Variants in TRPM3 observed in about 807,000 individuals in gnomAD.
TRPM3 encodes transient receptor potential cation channel subfamily M member 3, also known as long transient receptor potential channel 3.
A neutral mutation model predicts 181.2 loss-of-function variants in TRPM3; 77 were observed. The ratio of observed to expected loss-of-function variants is 0.42; its 90% CI spans 0.35 to 0.51. TRPM3 has a LOEUF of 0.51. Ranked by LOEUF, TRPM3 falls within the 20% of genes least tolerant of loss-of-function variation. TRPM3 has a pLI of 0.01. For synonymous variants in TRPM3, 745 were observed against 796.4 expected (o/e 0.94, Z 1.09); for missense variants, 1,759 against 2,196.7 (o/e 0.80, Z 3.98).
chr9:70,652,554 C>G (rs1220808531), intron 9 of TRPM3, among the ~76,000 whole-genome samples: 1 of 152,190 alleles, frequency 6.6e-6, no homozygotes, highest in African/African-American at 2.4e-5. Flanking sequence ...TTTCATCATA[C>G]AGTGACAGCC....
At chr9:71,244,006 G>T (rs954597446) in intron 1 of TRPM3, among the ~76,000 whole-genome samples, 10 of 152,162 alleles carry the variant, frequency 6.6e-5, no homozygotes, top group Admixed American at 3.3e-4. Flanking sequence ...CAGTTCACAT[G>T]TCTTAGATTA....
At chr9:71,446,516 T>C in intron 1 of TRPM3, 1 of 885,242 alleles carries the variant, frequency 1.1e-6, no homozygotes, top group East Asian at 2.8e-5. Flanking sequence ...CCCAGCACTC[T>C]ATTTCATTAG....
chr9:71,310,923 A>C (rs887073479), intron 1 of TRPM3, among the ~76,000 whole-genome samples: 11 of 152,064 alleles, frequency 7.2e-5, no homozygotes, highest in Non-Finnish European at 1.3e-4. Flanking sequence ...GAGATGAAAA[A>C]AATAGAAGAG....
chr9:70,932,163 G>T (rs973517896), intron 1 of TRPM3, among the ~76,000 whole-genome samples: 4 of 152,142 alleles, frequency 2.6e-5, no homozygotes, highest in Admixed American at 2.0e-4. Context: ...GAGCATTTTA[G>T]ATTTGCTTTA....
intron 1 of TRPM3, among the ~76,000 whole-genome samples, chr9:71,206,339 T>C (rs1749473628): frequency 6.6e-6 from 1 of 152,212 alleles, no homozygotes; most frequent in Admixed American, 6.5e-5. Context: ...ATTTCTCTAA[T>C]GATCAGTGAT....
chr9:70,929,215 T>C (rs1028410568), intron 1 of TRPM3, among the ~76,000 whole-genome samples: 7 of 152,134 alleles, frequency 4.6e-5, no homozygotes, highest in African/African-American at 1.7e-4. Context: ...TTCTTTTTCC[T>C]TTTTGAGACT....
intron 1 of TRPM3, among the ~76,000 whole-genome samples, chr9:70,868,615 G>T (rs943737230): frequency 6.6e-6 from 1 of 151,734 alleles, no homozygotes; most frequent in Admixed American, 6.6e-5. Flanking sequence ...ACACACACAG[G>T]GTATATTAAA....
chr9:71,304,875 T>C (rs1325751036), intron 1 of TRPM3, among the ~76,000 whole-genome samples: 1 of 152,188 alleles, frequency 6.6e-6, no homozygotes, highest in African/African-American at 2.4e-5. Context: ...ATTTTGATCA[T>C]GGTCTTCTCT....
chr9:71,230,532 T>G, intron 1 of TRPM3, among the ~76,000 whole-genome samples: 1 of 152,222 alleles, frequency 6.6e-6, no homozygotes, highest in African/African-American at 2.4e-5. Context: ...TACCCTGATG[T>G]AATTTTATAC....
chr9:71,445,938 A>C, intron 1 of TRPM3, among the ~76,000 whole-genome samples: 1 of 152,214 alleles, frequency 6.6e-6, no homozygotes, highest in Admixed American at 6.5e-5. Flanking sequence ...CATAATATTC[A>C]CATACTCAAA....
At chr9:70,633,388 G>A (rs1420753590) in intron 12 of TRPM3, among the ~76,000 whole-genome samples, 1 of 152,192 alleles carries the variant, frequency 6.6e-6, no homozygotes, top group Non-Finnish European at 1.5e-5. Flanking sequence ...GGTTTGTTGA[G>A]GGTAGATCTA....
At chr9:70,869,815 G>A (rs953787736) in intron 1 of TRPM3, among the ~76,000 whole-genome samples, 1 of 151,988 alleles carries the variant, frequency 6.6e-6, no homozygotes, top group African/African-American at 2.4e-5. Context: ...GCCCTGATAT[G>A]TTTATTTGGG....
Position 71,063,619 on chromosome 9 carries a change from G to C in TRPM3, c.177+57559C>G, listed in dbSNP as rs116809278. Among the ~76,000 whole-genome samples, 281 of 152,166 alleles carry C rather than the reference G, an allele frequency of 1.8e-3. 1 individual carries two copies. Among genetic ancestry groups the C allele is most frequent in the African/African-American group, 6.5e-3 (269 of 41,540 alleles). The stretch of plus-strand genomic sequence containing the variant: ...GAGGCAGGAGAGCATAGCTAATGGA[G>C]TTAATAATGAGCATAAATGCACATT... On this transcript the variant is annotated intron_variant, in intron 1 of 25. Transcript: ENST00000677713.
At chr9:71,015,655 TATTAATTGGGTTCTCTCACATTC>T (rs1184213013) in intron 1 of TRPM3, among the ~76,000 whole-genome samples, 1 of 152,220 alleles carries the variant, frequency 6.6e-6, no homozygotes, top group Non-Finnish European at 1.5e-5. Flanking sequence ...CTTTGAATTT[TATTAATTGGGTTCTCTCACATTC>T]ATTCTGTGTT....
chr9:71,264,618 G>A (rs1234920724), intron 1 of TRPM3, among the ~76,000 whole-genome samples: 3 of 152,080 alleles, frequency 2.0e-5, no homozygotes, highest in African/African-American at 7.2e-5. Flanking sequence ...TGACCCTTAG[G>A]AAACAAACTC....
At chr9:70,621,026 A>AT (rs985444939) in intron 15 of TRPM3, among the ~76,000 whole-genome samples, 3 of 146,390 alleles carry the variant, frequency 2.0e-5, no homozygotes, top group Non-Finnish European at 4.5e-5. Context: ...ATATATTATT[A>AT]TATATATATA....
chr9:71,245,856 T>A (rs1401297779), intron 1 of TRPM3, among the ~76,000 whole-genome samples: 1 of 152,054 alleles, frequency 6.6e-6, no homozygotes, highest in Admixed American at 6.6e-5. Flanking sequence ...GTGGCTAACA[T>A]TGGAAAACAG....
intron 5 of TRPM3, among the ~76,000 whole-genome samples, chr9:70,842,111 T>C (rs1407670603): frequency 1.3e-5 from 2 of 152,152 alleles, no homozygotes; most frequent in African/African-American, 2.4e-5. Context: ...TTGTGTTTCA[T>C]GACATTTAGT....
At chr9:70,608,444 G>A (rs2061531838) in intron 19 of TRPM3, among the ~76,000 whole-genome samples, 1 of 152,176 alleles carries the variant, frequency 6.6e-6, no homozygotes. Flanking sequence ...GTTGAATTTG[G>A]CTCAAAAGCT....
Sources: gnomAD v4.1 joint callset for allele counts (sites outside exome capture counted in the v4.1 genomes callset) on GRCh38, gnomAD v4.1.1 for gene constraint, MANE v1.5 for transcripts, NCBI Gene and HGNC (gene_info 2026-07-23, HGNC 2026-07-21) for gene names.